The following ADAM22 variants were observed in gnomAD, a reference collection of about 807,000 sequenced individuals.
ADAM22 encodes the protein ADAM metallopeptidase domain 22, also known as disintegrin and metalloproteinase domain-containing protein 22.
Under a neutral mutation model 144.6 loss-of-function variants are expected in ADAM22, and 65 were observed. That is an observed-to-expected ratio of 0.45 (90% CI 0.37 to 0.55). The LOEUF (loss-of-function observed/expected upper bound fraction) is 0.55. Ranked by LOEUF, ADAM22 falls within the 20% of genes least tolerant of loss-of-function variation. The probability of loss-of-function intolerance (pLI) is 0.00; values close to 1 mark genes in which losing one functional copy is unlikely to be tolerated. For synonymous variants in ADAM22, 391 were observed against 412.6 expected (o/e 0.95, Z 0.63); for missense variants, 974 against 1,184.9 (o/e 0.82, Z 2.61).
chr7:88,081,678 G>A (rs1208050327), intron 4 of ADAM22, among the ~76,000 whole-genome samples: 1 of 113,666 alleles, frequency 8.8e-6, no homozygotes, highest in Non-Finnish European at 1.8e-5. Flanking sequence ...AAAATCACAA[G>A]CATTCTTATA....
intron 3 of ADAM22, among the ~76,000 whole-genome samples, chr7:88,029,828 G>GA (rs1799832639): frequency 6.6e-6 from 1 of 151,848 alleles, no homozygotes; most frequent in Non-Finnish European, 1.5e-5. Context: ...GATTTCCATG[G>GA]AAAAATCTGC....
At chr7:88,011,617 A>G (rs1259031441) in intron 3 of ADAM22, among the ~76,000 whole-genome samples, 1 of 151,994 alleles carries the variant, frequency 6.6e-6, no homozygotes, top group African/African-American at 2.4e-5. Flanking sequence ...CTTGTTGGAG[A>G]ATATTAATAG....
rs534219153 is a variant in ADAM22 at position 87,954,590 on chromosome 7, T to C, written c.246+19404T>C. Reference sequence around the variant, plus strand: ...TGCCCTTAACATTTTTTCCTTCATTTCAACTTTGGTGAATCTGACAATTAT... The same window carrying C: ...TGCCCTTAACATTTTTTCCTTCATTCCAACTTTGGTGAATCTGACAATTAT... On this transcript the variant is annotated intron_variant, in intron 2 of 31. Coordinates refer to ENST00000413139, the MANE Select transcript of ADAM22 (RefSeq NM_001324418.2). Among the ~76,000 whole-genome samples the C allele has an allele frequency of 2.0e-5, 3 of 152,314 alleles. No individual in the cohort carries two copies. The South Asian group carries it at 6.2e-4, about 32-fold the overall frequency.
intron 3 of ADAM22, among the ~76,000 whole-genome samples, chr7:88,074,410 T>C (rs1022801351): frequency 6.6e-6 from 1 of 152,196 alleles, no homozygotes; most frequent in Non-Finnish European, 1.5e-5. Flanking sequence ...ACTGAAAATA[T>C]CTTAAAAGGG....
At chr7:88,074,711 G>A (rs1015729790) in intron 3 of ADAM22, among the ~76,000 whole-genome samples, 1 of 152,144 alleles carries the variant, frequency 6.6e-6, no homozygotes. Flanking sequence ...GATAATACAG[G>A]ATTATGGTGC....
intron 3 of ADAM22, among the ~76,000 whole-genome samples, chr7:87,982,116 C>G (rs1381734795): frequency 1.4e-5 from 2 of 147,126 alleles, no homozygotes; most frequent in Admixed American, 1.4e-4. Context: ...CACATGCATA[C>G]ACAAGTTTTC....
intron 3 of ADAM22, among the ~76,000 whole-genome samples, chr7:88,053,591 G>GGAAGGAAGGAAA (rs1382547887): frequency 6.3e-4 from 72 of 113,388 alleles, no homozygotes; most frequent in African/African-American, 2.5e-3. Flanking sequence ...AAGGAAGGAA[G>GGAAGGAAGGAAA]GAAAGAAAGA....
chr7:87,988,149 C>G (rs907840527), intron 3 of ADAM22, among the ~76,000 whole-genome samples: 4 of 152,090 alleles, frequency 2.6e-5, no homozygotes, highest in Non-Finnish European at 2.9e-5. Context: ...TTCTTGGAAA[C>G]TGGTAGAGTA....
intron 2 of ADAM22, among the ~76,000 whole-genome samples, chr7:87,944,816 G>GTTTTTTTTTTTTTTTTTTTT (rs11311070): frequency 4.7e-5 from 6 of 127,024 alleles, no homozygotes; most frequent in Non-Finnish European, 4.9e-5. Flanking sequence ...GGAAACTTGT[G>GTTTTTTTTTTTTTTTTTTTT]TTTTTTTTTT....
chr7:88,048,696 AT>A lies in ADAM22; in HGVS notation c.324-26924del, dbSNP rs376442267. Among the ~76,000 whole-genome samples, 708 of 152,166 alleles carry A rather than the reference AT, an allele frequency of 4.7e-3. 6 individuals carry two copies. Among genetic ancestry groups the A allele is most frequent in the African/African-American group, 0.016 (670 of 41,540 alleles). On this transcript the variant is annotated intron_variant, in intron 3 of 31. Coordinates refer to ENST00000413139, the MANE Select transcript of ADAM22 (RefSeq NM_001324418.2). The stretch of plus-strand genomic sequence containing the variant: ...AATTTATACATTAATAGTATCAACT[AT>A]TTTTTATATACAGGGTGGTCGCTAA...
intron 28 of ADAM22, 34 bp from the exon 29 acceptor site, chr7:88,181,924 A>G: frequency 6.3e-7 from 1 of 1,588,290 alleles, no homozygotes; most frequent in Admixed American, 1.7e-5. Context: ...TCACTTATTT[A>G]CATGGAAATC....
intron 4 of ADAM22, among the ~76,000 whole-genome samples, chr7:88,096,517 A>G (rs1385765524): frequency 1.3e-5 from 2 of 151,322 alleles, no homozygotes; most frequent in Non-Finnish European, 2.9e-5. Context: ...TATATATTCC[A>G]TAACTTATAC....
At chr7:88,074,186 A>G (rs1813573551) in intron 3 of ADAM22, among the ~76,000 whole-genome samples, 1 of 152,106 alleles carries the variant, frequency 6.6e-6, no homozygotes, top group South Asian at 2.1e-4. Context: ...CCCCTCATGA[A>G]TATTAAGTAC....
intron 2 of ADAM22, among the ~76,000 whole-genome samples, chr7:87,955,933 G>T (rs577769607): frequency 1.3e-3 from 192 of 152,336 alleles, no homozygotes; most frequent in African/African-American, 4.4e-3. Context: ...CTCTGAGCCA[G>T]GTGCGGGATA....
intron 29 of ADAM22, among the ~76,000 whole-genome samples, chr7:88,184,840 A>G (rs1467383056): frequency 2.0e-5 from 3 of 152,190 alleles, no homozygotes; most frequent in Admixed American, 6.5e-5. Flanking sequence ...CAAACAGAGG[A>G]AAAAGTCCAT....
chr7:87,989,048 T>A (rs1210731707), intron 3 of ADAM22, among the ~76,000 whole-genome samples: 1 of 152,234 alleles, frequency 6.6e-6, no homozygotes, highest in African/African-American at 2.4e-5. Context: ...GTGTATGCTT[T>A]GTTTCCAGAG....
At chr7:88,036,084 T>G (rs546910526) in intron 3 of ADAM22, among the ~76,000 whole-genome samples, 2 of 152,346 alleles carry the variant, frequency 1.3e-5, no homozygotes, top group East Asian at 3.9e-4. Context: ...CTGGCAAAAT[T>G]AAATATAAAT....
chr7:87,967,019 C>T (rs543559270), intron 2 of ADAM22, among the ~76,000 whole-genome samples: 10 of 151,910 alleles, frequency 6.6e-5, no homozygotes, highest in African/African-American at 1.2e-4. Flanking sequence ...TGAGTTCTCA[C>T]GAGATCTGAT....
At chr7:88,142,837 CAA>C (rs35939860) in intron 14 of ADAM22, among the ~76,000 whole-genome samples, 187 bp from the exon 15 acceptor site, 23 of 117,298 alleles carry the variant, frequency 2.0e-4, no homozygotes, top group African/African-American at 3.1e-4. Flanking sequence ...GACTCCGTCT[CAA>C]AAAAAAAAAA....
Sources: gnomAD v4.1 joint callset for allele counts (sites outside exome capture counted in the v4.1 genomes callset) on GRCh38, gnomAD v4.1.1 for gene constraint, MANE v1.5 for transcripts, NCBI Gene and HGNC (gene_info 2026-07-23, HGNC 2026-07-21) for gene names.